The following CDH23 variants were observed in gnomAD, a reference collection of about 807,000 sequenced individuals.
CDH23 encodes cadherin related 23, also known as cadherin-23.
CDH23 carries 189 observed loss-of-function variants against 317.1 expected under a neutral mutation model. The ratio of observed to expected loss-of-function variants is 0.60; its 90% confidence interval spans 0.53 to 0.67. The LOEUF (loss-of-function observed/expected upper bound fraction) is 0.67. Ranked by LOEUF, CDH23 falls within the 30% of genes least tolerant of loss-of-function variation. The pLI, the probability that CDH23 is intolerant of heterozygous loss-of-function variation, is 0.00. For missense variants in CDH23, 4,401 were observed against 4,592.4 expected (o/e 0.96, Z 1.20); for synonymous variants, 1,839 against 1,876.8 (o/e 0.98, Z 0.52).
chr10:71,648,534 C>G (rs1411548711), intron 14 of CDH23, among the ~76,000 whole-genome samples: 1 of 152,166 alleles, frequency 6.6e-6, no homozygotes, highest in Non-Finnish European at 1.5e-5. Flanking sequence ...GTCCCAAGTT[C>G]CCATGGTCCT....
At chr10:71,434,426 T>C (rs1849530337) in intron 1 of CDH23, among the ~76,000 whole-genome samples, 1 of 152,232 alleles carries the variant, frequency 6.6e-6, no homozygotes, top group South Asian at 2.1e-4. Flanking sequence ...TCAGGGCAGA[T>C]GTGCGCAGTG....
rs946869518 is a variant in CDH23 at position 71,462,068 on chromosome 10, G to A, written c.145+15673G>A. On this transcript the variant is annotated intron_variant, in intron 3 of 69. Transcript: ENST00000224721. Reference sequence around the variant, plus strand: ...GCTGGGCTTGGGGACCCACCTGGTCGTTTCGAGAGTCCCCTGCCTGAGACA... The same window carrying A: ...GCTGGGCTTGGGGACCCACCTGGTCATTTCGAGAGTCCCCTGCCTGAGACA... 2.2e-4 allele frequency among the ~76,000 whole-genome samples: 33 copies of A among 152,338 alleles called. 1 individual carries two copies. The highest frequency in any genetic ancestry group is 1.4e-3 in the Admixed American group (22 of 15,308).
intron 16 of CDH23, 76 bp from the exon 17 acceptor site, chr10:71,679,311 C>A (rs2132673606): frequency 8.7e-6 from 6 of 688,720 alleles, no homozygotes; most frequent in South Asian, 5.9e-5. Context: ...TCTTCCCCAC[C>A]CTCCCAGCTG....
At chr10:71,567,951 A>G (rs1857504359) in intron 7 of CDH23, among the ~76,000 whole-genome samples, 1 of 152,222 alleles carries the variant, frequency 6.6e-6, no homozygotes, top group Non-Finnish European at 1.5e-5. Context: ...CATAGCTGTC[A>G]AGGGGCCTGC....
At chr10:71,403,391 C>CT (rs1491443391) in intron 1 of CDH23, among the ~76,000 whole-genome samples, 10 of 106,766 alleles carry the variant, frequency 9.4e-5, no homozygotes, top group African/African-American at 4.2e-4. Context: ...TTCTTTCTTT[C>CT]TTTCTTTCTT....
At chr10:71,670,731 T>C (rs1467569751) in intron 14 of CDH23, among the ~76,000 whole-genome samples, 1 of 152,152 alleles carries the variant, frequency 6.6e-6, no homozygotes, top group East Asian at 1.9e-4. Context: ...TAGGGAGCCA[T>C]TGAAGGATTT....
chr10:71,715,866 C>T, intron 28 of CDH23: 1 of 1,387,246 alleles, frequency 7.2e-7, no homozygotes, highest in Non-Finnish European at 9.5e-7. Context: ...GCCTGCAGCA[C>T]CGGTCTCTGA....
chr10:71,623,586 G>A (rs1333307610), intron 11 of CDH23, among the ~76,000 whole-genome samples: 2 of 152,184 alleles, frequency 1.3e-5, no homozygotes, highest in African/African-American at 4.8e-5. Flanking sequence ...TGTGCAGGGT[G>A]GAAGCAGTGA....
At position 71,809,891 on chromosome 10, in the gene CDH23, A is replaced by G; in HGVS notation, c.8794A>G (p.Ile2932Val). Residue 2932 changes from isoleucine (I) to valine (V), a missense_variant, in exon 61 of 70, where the codon ATT becomes GTT. Physicochemically the swap from Ile to Val is conservative, Grantham distance 29 (BLOSUM62 3). This residue lies in a region of CDH23 where 1,144 missense variants were observed against 1,138.2 expected (regional missense o/e 1.01). Coordinates refer to ENST00000224721, the MANE Select transcript of CDH23 (RefSeq NM_022124.6). The part of the protein sequence containing the change: ...AYSPGYFVVD[I>V]VARDLAGHND... ...CAGCCCCGGCTACTTCGTGGTGGAC[A>G]TTGTGGCCCGAGACCTGGCAGGCCA... The G allele has an allele frequency of 1.2e-6, 2 of 1,613,366 alleles. No homozygotes were observed. Among genetic ancestry groups the G allele is most frequent in the Non-Finnish European group, 8.5e-7 (1 of 1,179,872 alleles).
At chr10:71,593,135 A>G (rs764731767) in intron 9 of CDH23, among the ~76,000 whole-genome samples, 4 of 152,230 alleles carry the variant, frequency 2.6e-5, no homozygotes, top group Non-Finnish European at 4.4e-5. Flanking sequence ...AGATAGACAG[A>G]CTGATGGGAC....
At chr10:71,595,612 G>C (rs577905405) in intron 9 of CDH23, among the ~76,000 whole-genome samples, 1 of 152,250 alleles carries the variant, frequency 6.6e-6, no homozygotes, top group East Asian at 1.9e-4. Context: ...GGAATCTGCA[G>C]GTCCCAAACA....
At chr10:71,481,402 A>G (rs1273894223) in intron 3 of CDH23, among the ~76,000 whole-genome samples, 1 of 152,058 alleles carries the variant, frequency 6.6e-6, no homozygotes, top group East Asian at 1.9e-4. Flanking sequence ...GGGAAAGGAG[A>G]GGTGTGTGAT....
Position 71,803,325 on chromosome 10 carries a change from G to C in CDH23, c.7777G>C (p.Gly2593Arg). 3 of 1,594,614 alleles carry C rather than the reference G, an allele frequency of 1.9e-6. No individual in the cohort carries two copies. The South Asian group carries it at 3.4e-5, about 18-fold the overall frequency. ...AGATGGTGGAGAGCCCCCACTCTGG[G>C]GCACCACCATGCTCCTGGTGGAGGT... ...ATDGGEPPLW[G>R]TTMLLVEVID... The change falls in exon 55 of 70, where the codon GGC (glycine) becomes CGC (arginine). Residue 2593 changes from glycine to arginine, a missense_variant. By Grantham distance (125) the Gly-to-Arg change is moderately radical. Transcript: ENST00000224721.
At chr10:71,693,019 G>A (rs1339697246) in intron 20 of CDH23, among the ~76,000 whole-genome samples, 1 of 152,142 alleles carries the variant, frequency 6.6e-6, no homozygotes. Context: ...ATTCTCCAAG[G>A]CCAAGCGTCT....
At chr10:71,736,281 G>A (rs1048626398) in intron 34 of CDH23, among the ~76,000 whole-genome samples, 5 of 152,338 alleles carry the variant, frequency 3.3e-5, no homozygotes, top group Middle Eastern at 3.4e-3. Flanking sequence ...CACCAGCCCC[G>A]GTAGCCCCAA....
chr10:71,805,177 A>T (rs1276821809), intron 55 of CDH23, among the ~76,000 whole-genome samples: 3 of 152,156 alleles, frequency 2.0e-5, no homozygotes, highest in African/African-American at 7.2e-5. Context: ...TATGATTTCA[A>T]TGAGGTTTCG....
intron 6 of CDH23, among the ~76,000 whole-genome samples, chr10:71,521,103 C>T (rs1187902833): frequency 6.6e-6 from 1 of 151,998 alleles, no homozygotes; most frequent in Non-Finnish European, 1.5e-5. Context: ...TTAAAAAGCC[C>T]GCTCTTCTCT....
chr10:71,436,454 C>T (rs1281224738), intron 1 of CDH23, among the ~76,000 whole-genome samples: 1 of 152,162 alleles, frequency 6.6e-6, no homozygotes, highest in African/African-American at 2.4e-5. Context: ...GAGGGAGGGG[C>T]CATGTCTTCC....
chr10:71,700,800 C>T (rs918744743), intron 22 of CDH23, among the ~76,000 whole-genome samples: 2 of 152,148 alleles, frequency 1.3e-5, no homozygotes, highest in Non-Finnish European at 2.9e-5. Context: ...CCCCAGGACC[C>T]ATGGACAGGG....
Sources: allele counts gnomAD v4.1 joint callset (sites outside exome capture counted in the v4.1 genomes callset), GRCh38; gene constraint gnomAD v4.1.1; regional missense constraint gnomAD v4.1.1; transcripts MANE v1.5; gene names NCBI Gene and HGNC (gene_info 2026-07-23, HGNC 2026-07-21).